MACROD2: variants seen among roughly 807,000 people sequenced by gnomAD.
The protein encoded by MACROD2 is ADP-ribose glycohydrolase MACROD2.
In MACROD2, 36 loss-of-function variants were observed where a neutral mutation model predicts 70.4. That is an observed-to-expected ratio of 0.51 (90% CI 0.39 to 0.68). The LOEUF (loss-of-function observed/expected upper bound fraction) is 0.68, where lower values mean the gene tolerates loss of function less well. Ranked by LOEUF, MACROD2 falls within the 30% of genes least tolerant of loss-of-function variation. The pLI is 0.00. For missense variants in MACROD2, 496 were observed against 538.4 expected, an observed-to-expected ratio of 0.92 and a Z score of 0.78; for synonymous variants, 172 against 178.8, an observed-to-expected ratio of 0.96 and a Z score of 0.30.
At chr20:15,319,315 A>G (rs1448386799) in intron 6 of MACROD2, among the ~76,000 whole-genome samples, 1 of 152,250 alleles carries the variant, frequency 6.6e-6, no homozygotes, top group East Asian at 1.9e-4. Context: ...GAAGCTATAA[A>G]TAAATGGAAG....
At chr20:15,955,511 T>C (rs575910673) in intron 12 of MACROD2, among the ~76,000 whole-genome samples, 18 of 152,278 alleles carry the variant, frequency 1.2e-4, no homozygotes, top group African/African-American at 3.8e-4. Flanking sequence ...ATAAGCCAAA[T>C]TAGATTTCCT....
chr20:14,336,411 T>G (rs1007954746), intron 3 of MACROD2, among the ~76,000 whole-genome samples: 3 of 152,134 alleles, frequency 2.0e-5, no homozygotes, highest in Non-Finnish European at 4.4e-5. Context: ...ATGGGCCTGT[T>G]GCACTCTTTA....
chr20:14,526,575 C>A (rs914352289), intron 4 of MACROD2, among the ~76,000 whole-genome samples: 1 of 152,192 alleles, frequency 6.6e-6, no homozygotes, highest in African/African-American at 2.4e-5. Flanking sequence ...ATTCATATTT[C>A]TTTTCAGATT....
intron 5 of MACROD2, among the ~76,000 whole-genome samples, chr20:15,148,967 A>T (rs1025462185): frequency 2.0e-5 from 3 of 152,038 alleles, no homozygotes; most frequent in Non-Finnish European, 4.4e-5. Flanking sequence ...AGAGGTGGGA[A>T]GGCTAAACTG....
At chr20:15,102,541 A>G (rs1256791791) in intron 5 of MACROD2, among the ~76,000 whole-genome samples, 1 of 152,048 alleles carries the variant, frequency 6.6e-6, no homozygotes, top group Non-Finnish European at 1.5e-5. Context: ...TTAATTGAGT[A>G]GAATAGAAAA....
chr20:15,987,553 T>C (rs761202422), intron 15 of MACROD2, among the ~76,000 whole-genome samples: 4 of 152,126 alleles, frequency 2.6e-5, no homozygotes, highest in African/African-American at 4.8e-5. Context: ...CTTAGTATAG[T>C]AGTGATGAAA....
chr20:14,861,053 C>A (rs2073310658), intron 5 of MACROD2, among the ~76,000 whole-genome samples: 1 of 151,946 alleles, frequency 6.6e-6, no homozygotes, highest in Non-Finnish European at 1.5e-5. Flanking sequence ...AACAAAGGAG[C>A]CTAACAAAGG....
chr20:15,545,124 A>G (rs1172419171), intron 8 of MACROD2, among the ~76,000 whole-genome samples: 2 of 152,248 alleles, frequency 1.3e-5, no homozygotes, highest in Admixed American at 6.5e-5. Flanking sequence ...AGACAATTCA[A>G]TCAAAGGATG....
rs148675711 is a variant in MACROD2 at position 14,054,466 on chromosome 20, T to G, written c.164-31155T>G. 2.6e-5 allele frequency among the ~76,000 whole-genome samples: 4 copies of G among 152,136 alleles called. No individual in the cohort carries two copies. The East Asian group carries it at 7.7e-4, about 29-fold the overall frequency. On this transcript the variant is annotated intron_variant, in intron 2 of 17. Coordinates refer to ENST00000684519, the MANE Select transcript of MACROD2 (RefSeq NM_001351661.2). Reference sequence around the variant, plus strand: ...TAGCACACAGTTATGAGAAGTTGGCTGGAGAATGAGATTTGGCAAGTGCTC... The same window carrying G: ...TAGCACACAGTTATGAGAAGTTGGCGGGAGAATGAGATTTGGCAAGTGCTC...
chr20:14,976,204 A>G (rs950638198), intron 5 of MACROD2, among the ~76,000 whole-genome samples: 1 of 152,038 alleles, frequency 6.6e-6, no homozygotes, highest in Admixed American at 6.5e-5. Context: ...TTCATGCTTT[A>G]AAACAATGCT....
At chr20:15,805,545 C>T (rs1013259254) in intron 8 of MACROD2, among the ~76,000 whole-genome samples, 1 of 151,290 alleles carries the variant, frequency 6.6e-6, no homozygotes, top group East Asian at 1.9e-4. Flanking sequence ...GGCACGATCT[C>T]GGCTCACCAC....
chr20:14,874,285 G>GATTC (rs997621260), intron 5 of MACROD2, among the ~76,000 whole-genome samples: 1 of 134,538 alleles, frequency 7.4e-6, no homozygotes, highest in East Asian at 2.3e-4. Context: ...ATCAAATGGA[G>GATTC]ATTCATTTAT....
At chr20:15,644,870 A>C (rs1328722439) in intron 8 of MACROD2, among the ~76,000 whole-genome samples, 1 of 152,112 alleles carries the variant, frequency 6.6e-6, no homozygotes, top group Non-Finnish European at 1.5e-5. Context: ...TTGTATTTTT[A>C]GTAGAGACGG....
chr20:15,318,149 G>C (rs1473186209), intron 6 of MACROD2, among the ~76,000 whole-genome samples: 2 of 152,188 alleles, frequency 1.3e-5, no homozygotes, highest in East Asian at 3.9e-4. Flanking sequence ...AATGAAAGTG[G>C]TGACATTTCT....
At chr20:14,888,078 AG>A (rs1461902631) in intron 5 of MACROD2, 1 of 152,096 alleles carries the variant, frequency 6.6e-6, no homozygotes, top group Non-Finnish European at 1.5e-5. Context: ...GGGATTAGTT[AG>A]TGGGTGGTCT....
chr20:15,325,522 G>C (rs535263454), intron 6 of MACROD2, among the ~76,000 whole-genome samples: 1 of 152,056 alleles, frequency 6.6e-6, no homozygotes, highest in Non-Finnish European at 1.5e-5. Context: ...GAAGGCAGGT[G>C]TTAAATTTTA....
At chr20:15,088,019 C>G (rs1001842338) in intron 5 of MACROD2, among the ~76,000 whole-genome samples, 1 of 151,574 alleles carries the variant, frequency 6.6e-6, no homozygotes, top group Non-Finnish European at 1.5e-5. Context: ...TTTCACATGC[C>G]AGGTAACATG....
chr20:14,760,223 G>T (rs2071996946), intron 5 of MACROD2, among the ~76,000 whole-genome samples: 1 of 152,036 alleles, frequency 6.6e-6, no homozygotes, highest in Non-Finnish European at 1.5e-5. Flanking sequence ...AGGGTGGAGT[G>T]AGGGCAGGGA....
At chr20:14,041,618 T>C (rs1379388510) in intron 2 of MACROD2, among the ~76,000 whole-genome samples, 1 of 152,182 alleles carries the variant, frequency 6.6e-6, no homozygotes, top group Non-Finnish European at 1.5e-5. Context: ...CTGACAAGAT[T>C]AGATTCCTGA....
Sources: gnomAD v4.1 joint callset for allele counts (sites outside exome capture counted in the v4.1 genomes callset) on GRCh38, gnomAD v4.1.1 for gene constraint, MANE v1.5 for transcripts, NCBI Gene and HGNC (gene_info 2026-07-23, HGNC 2026-07-21) for gene names.